The following TMEM196 variants were observed in gnomAD, a reference collection of about 807,000 sequenced individuals.
TMEM196 encodes the protein transmembrane protein 196.
A neutral mutation model predicts 20.0 loss-of-function variants in TMEM196; 17 were observed. That is an observed-to-expected ratio of 0.85 (90% CI 0.58 to 1.27). TMEM196 has a LOEUF of 1.27. Among genes scored for constraint, TMEM196 ranks in the 50% most tolerant of loss-of-function variants. The probability of loss-of-function intolerance (pLI) is 0.00; values close to 1 mark genes in which losing one functional copy is unlikely to be tolerated. For synonymous variants in TMEM196, 113 were observed against 88.9 expected (o/e 1.27, Z -1.52); for missense variants, 267 against 223.0 (o/e 1.20, Z -1.26).
chr7:19,732,883 A>G (rs1784262285), intron 1 of TMEM196, among the ~76,000 whole-genome samples: 1 of 152,238 alleles, frequency 6.6e-6, no homozygotes. Flanking sequence ...CAGGATGCAA[A>G]GCACTTACCC....
chr7:19,725,458 G>A, intron 3 of TMEM196, 56 bp downstream of exon 3: 1 of 1,540,672 alleles, frequency 6.5e-7, no homozygotes, highest in Non-Finnish European at 8.8e-7. Flanking sequence ...TTCACCCAGA[G>A]TGGACTTCAG....
chr7:19,742,650 G>A (rs1219165763), intron 1 of TMEM196, among the ~76,000 whole-genome samples: 1 of 152,138 alleles, frequency 6.6e-6, no homozygotes, highest in Non-Finnish European at 1.5e-5. Context: ...CTTCTCCACA[G>A]GTAGTTTGTG....
chr7:19,741,004 A>G (rs1010946750), intron 1 of TMEM196, among the ~76,000 whole-genome samples: 5 of 152,184 alleles, frequency 3.3e-5, no homozygotes, highest in African/African-American at 1.2e-4. Flanking sequence ...TTTAGAAAGT[A>G]GCTTGTAGTT....
intron 1 of TMEM196, among the ~76,000 whole-genome samples, chr7:19,759,541 C>T (rs998692108): frequency 2.0e-5 from 3 of 152,088 alleles, no homozygotes; most frequent in African/African-American, 7.2e-5. Context: ...ATCTAACAGT[C>T]CACAGCATCT....
chr7:19,728,903 T>A (rs1049906068), intron 2 of TMEM196, among the ~76,000 whole-genome samples: 51 of 152,092 alleles, frequency 3.4e-4, no homozygotes, highest in Admixed American at 2.0e-4. Context: ...ATAAAATAAA[T>A]CTCTGAGAAT....
At chr7:19,736,285 C>T (rs1405658177) in intron 1 of TMEM196, among the ~76,000 whole-genome samples, 1 of 128,998 alleles carries the variant, frequency 7.8e-6, no homozygotes, top group South Asian at 2.6e-4. Context: ...CCTGGCTCAA[C>T]TCATAAGGAT....
At chr7:19,727,444 T>TA (rs993013565) in intron 2 of TMEM196, among the ~76,000 whole-genome samples, 24 of 152,180 alleles carry the variant, frequency 1.6e-4, no homozygotes, top group African/African-American at 5.8e-4. Context: ...TCATCAGAGC[T>TA]AAAAATCCAA....
chr7:19,720,258 C>T lies in TMEM196; in HGVS notation c.*1870G>A, dbSNP rs1047800546. The T allele has an allele frequency of 2.6e-5, 4 of 151,928 alleles. No homozygotes were observed. The highest frequency in any genetic ancestry group is 9.7e-5 in the African/African-American group (4 of 41,418). The allele number at this position is 151,928 out of a possible 1,614,324, so 9.4% of individuals were successfully genotyped here. ...GGGAGACTTCAAAAAGTGCACCAAA[C>T]AAGCAGAGTCCAGTTATTTCTGTTG... On this transcript the variant is annotated 3_prime_UTR_variant, in exon 5 of 5. Transcript: ENST00000405844.
rs1562612314 is a variant in TMEM196 at position 19,736,395 on chromosome 7, AT to A, written c.148-6958del. On this transcript the variant is annotated intron_variant, in intron 1 of 4. Coordinates refer to ENST00000405844, the MANE Select transcript of TMEM196 (RefSeq NM_001363562.2). The stretch of plus-strand genomic sequence containing the variant: ...TATATATATATATATATATATATAT[AT>A]ATATAAATTATCTCTGTAAAATGGA... 8.2e-4 allele frequency among the ~76,000 whole-genome samples: 78 copies of A among 95,130 alleles called. 2 individuals are homozygous for A. In the South Asian group the frequency reaches 0.018, roughly 22 times the overall value. The allele number at this position is 95,130 out of a possible 152,430, so 62.4% of individuals were successfully genotyped here. A position where few individuals can be genotyped will look rare whatever the true frequency, so the allele number is the denominator to read the frequency against.
At chr7:19,760,998 G>A (rs1785413545) in intron 1 of TMEM196, among the ~76,000 whole-genome samples, 1 of 152,164 alleles carries the variant, frequency 6.6e-6, no homozygotes, top group Admixed American at 6.5e-5. Context: ...GGACTACAGA[G>A]TTAAGGCCCA....
chr7:19,751,249 A>G (rs1784949686), intron 1 of TMEM196, among the ~76,000 whole-genome samples: 1 of 152,198 alleles, frequency 6.6e-6, no homozygotes, highest in Admixed American at 6.5e-5. Context: ...ATGGCTTTTC[A>G]CGTTGAGCTG....
rs57276805 is a variant in TMEM196 at position 19,748,263 on chromosome 7, C to CAAAAAAAA, written c.148-18833_148-18826dup. ...TTCAGAGATGTTCACTGTGGCTGTC[C>CAAAAAAAA]AAAAAAAAAAAAAAAAAAAAAAAAA... On this transcript the variant is annotated intron_variant, in intron 1 of 4. Coordinates refer to ENST00000405844, the MANE Select transcript of TMEM196 (RefSeq NM_001363562.2). Among the ~76,000 whole-genome samples the CAAAAAAAA allele has an allele frequency of 1.3e-3, 26 of 20,778 alleles. 3 individuals are homozygous for CAAAAAAAA. The highest frequency in any genetic ancestry group is 3.4e-3 in the African/African-American group (20 of 5,844). 13.6% of individuals were successfully genotyped at this position (20,778 alleles called of 152,430 possible).
At chr7:19,746,596 T>A (rs964320918) in intron 1 of TMEM196, among the ~76,000 whole-genome samples, 2 of 152,210 alleles carry the variant, frequency 1.3e-5, no homozygotes, top group African/African-American at 4.8e-5. Context: ...ATGAATTGGT[T>A]AATTAAGGCT....
At chr7:19,722,248 G>T (rs1783838836) in intron 4 of TMEM196, 114 bp from the exon 5 acceptor site, 2 of 849,920 alleles carry the variant, frequency 2.4e-6, no homozygotes. Context: ...GCTAAGTTTT[G>T]GGGAAAGACA....
intron 1 of TMEM196, among the ~76,000 whole-genome samples, chr7:19,770,167 TC>T (rs1785811981): frequency 6.6e-6 from 1 of 152,188 alleles, no homozygotes; most frequent in South Asian, 2.1e-4. Flanking sequence ...TCATTGACCA[TC>T]CCAATCTTTC....
At chr7:19,756,034 T>TA (rs35652330) in intron 1 of TMEM196, among the ~76,000 whole-genome samples, 30,582 of 139,428 alleles carry the variant, frequency 0.22, 3,753 homozygotes, top group East Asian at 0.42. Flanking sequence ...AGACTCTATT[T>TA]AAAAAAAAAA....
intron 1 of TMEM196, among the ~76,000 whole-genome samples, chr7:19,764,874 G>C (rs918382333): frequency 1.3e-5 from 2 of 152,084 alleles, no homozygotes; most frequent in African/African-American, 4.8e-5. Context: ...CATCCTGCCT[G>C]GTCCATGTAT....
At chr7:19,737,121 G>A (rs1485072285) in intron 1 of TMEM196, among the ~76,000 whole-genome samples, 1 of 151,706 alleles carries the variant, frequency 6.6e-6, no homozygotes, top group Non-Finnish European at 1.5e-5. Flanking sequence ...TCAAGAATAA[G>A]AAAACAAACA....
chr7:19,727,780 C>G (rs1583417844), intron 2 of TMEM196, among the ~76,000 whole-genome samples: 1 of 152,246 alleles, frequency 6.6e-6, no homozygotes, highest in Non-Finnish European at 1.5e-5. Context: ...CTGATTAATT[C>G]TTTAAAGGCA....
Sources: allele counts gnomAD v4.1 joint callset (sites outside exome capture counted in the v4.1 genomes callset), GRCh38; gene constraint gnomAD v4.1.1; transcripts MANE v1.5; gene names NCBI Gene and HGNC (gene_info 2026-07-23, HGNC 2026-07-21).